Variants in CRACR2B observed in about 807,000 individuals in gnomAD.
CRACR2B encodes the protein EF-hand calcium-binding domain-containing protein 4A.
CRACR2B carries 50 observed loss-of-function variants against 46.0 expected under a neutral mutation model. The ratio of observed to expected loss-of-function variants is 1.09; its 90% confidence interval spans 0.87 to 1.38. CRACR2B has a LOEUF of 1.38. Ranked by LOEUF, CRACR2B falls within the 40% of genes most tolerant of loss-of-function variation. The pLI is 0.00. For synonymous variants in CRACR2B, 277 were observed against 239.6 expected (o/e 1.16, Z -1.44); for missense variants, 667 against 535.0 (o/e 1.25, Z -2.43).
upstream of CRACR2B, chr11:827,381 G>C (rs955201349): frequency 1.4e-5 from 3 of 222,040 alleles, no homozygotes; most frequent in Non-Finnish European, 2.3e-5. Context: ...CACCCCCTCC[G>C]GGCCGCCGTG....
chr11:829,145 C>A (rs1414423847), intron 2 of CRACR2B, 182 bp downstream of exon 2: 15 of 1,263,912 alleles, frequency 1.2e-5, no homozygotes, highest in African/African-American at 3.0e-5. Context: ...GTGGAGCTGA[C>A]CTTCCTGGCC....
chr11:828,665 G>C lies in CRACR2B; in HGVS notation c.58G>C (p.Glu20Gln), dbSNP rs750040448. 6.2e-6 allele frequency: 10 copies of C among 1,608,656 alleles called. No individual in the cohort carries two copies. Among genetic ancestry groups the C allele is most frequent in the South Asian group, 5.5e-5 (5 of 90,750 alleles). The change falls in exon 1 of 9, where the codon GAG (glutamate) becomes CAG (glutamine). Residue 20 changes from glutamate (E) to glutamine (Q), a missense_variant. Glu to Gln is a conservative substitution (Grantham distance 29). Transcript: ENST00000525077. ...GGCCCAGGAGGAGGAGGGGGAACTC[G>C]AGGGGGGCTCTGCAGGGCCGCGGGC... is the stretch of plus-strand genomic sequence containing the variant. ...DEAQEEEGEL[E>Q]GGSAGPRAAI...
Position 829,050 on chromosome 11 carries a change from C to G in CRACR2B, c.277+87C>G, listed in dbSNP as rs576275167. 4.3e-5 allele frequency: 66 copies of G among 1,517,884 alleles called. No individual in the cohort carries two copies. The Admixed American group carries it at 8.7e-4, about 20-fold the overall frequency. The allele number at this position is 1,517,884 out of a possible 1,614,324, so 94.0% of individuals were successfully genotyped here. A position where few individuals can be genotyped will look rare whatever the true frequency, so the allele number is the denominator to read the frequency against. ...GCACTTGTGGCGCCCTGAGGGCTGC[C>G]GGTGCCTCTCGTCCTCCTCCCTCCA... On this transcript the variant is annotated intron_variant, in intron 2 of 8. Coordinates refer to ENST00000525077, the MANE Select transcript of CRACR2B (RefSeq NM_001286606.2).
chr11:829,017 G>C (rs745698502), intron 2 of CRACR2B, 54 bp downstream of exon 2: 1 of 1,588,154 alleles, frequency 6.3e-7, no homozygotes, highest in Non-Finnish European at 8.5e-7. Flanking sequence ...GCCTGATCAG[G>C]AGGCCTGGCA....
At chr11:831,171 G>T (rs2133932716) in intron 7 of CRACR2B, 53 bp from the exon 8 acceptor site, 1 of 1,608,918 alleles carries the variant, frequency 6.2e-7, no homozygotes, top group Non-Finnish European at 8.5e-7. Context: ...TAGGGGGTCC[G>T]GGGGCTCCCC....
intron 8 of CRACR2B, 68 bp from the exon 9 acceptor site, chr11:831,467 T>G (rs987524735): frequency 1.3e-6 from 2 of 1,500,772 alleles, no homozygotes; most frequent in Non-Finnish European, 1.8e-6. Flanking sequence ...CTGAGGGGAG[T>G]CGGAGCTCAC....
rs762095228 is a variant in CRACR2B at position 830,148 on chromosome 11, G to T, written c.605+16G>T. 6.6e-7 allele frequency: 1 copy of T among 1,523,224 alleles called. No individual in the cohort carries two copies. Among genetic ancestry groups the T allele is most frequent in the Admixed American group, 2.1e-5 (1 of 48,730 alleles). 94.4% of individuals were successfully genotyped at this position (1,523,224 alleles called of 1,614,324 possible). On this transcript the variant is annotated intron_variant, in intron 4 of 8. Transcript: ENST00000525077. ...CGCTGCGGAGGTGAGGGCCGGGGTG[G>T]GGTATGGGGGCCAATGGAGGGCCTC...
At chr11:826,600 T>G (rs1051721968), upstream of CRACR2B, among the ~76,000 whole-genome samples, 15 of 152,270 alleles carry the variant, frequency 9.9e-5, no homozygotes, top group African/African-American at 3.6e-4. Flanking sequence ...CTCGGCTCAC[T>G]GCAAACTCTG....
Position 831,891 on chromosome 11 carries a change from G to A in CRACR2B, c.*182G>A. 1.6e-6 allele frequency: 1 copy of A among 639,384 alleles called. No individual in the cohort carries two copies. Among genetic ancestry groups the A allele is most frequent in the Non-Finnish European group, 2.5e-6 (1 of 404,786 alleles). The allele number at this position is 639,384 out of a possible 1,614,324, so 39.6% of individuals were successfully genotyped here. On this transcript the variant is annotated 3_prime_UTR_variant, in exon 9 of 9. Transcript: ENST00000525077. ...GTCCCGGGAGTGGCCAGGGTCCCGT[G>A]TGTGCCCTCTGCCAGTCTTCGCTCT...
chr11:827,502 G>A (rs1845987237), upstream of CRACR2B: 8 of 981,208 alleles, frequency 8.2e-6, no homozygotes, highest in South Asian at 1.9e-4. Flanking sequence ...GAGCACAGGA[G>A]GCTGGCCGCC....
Position 831,524 on chromosome 11 carries a change from T to G in CRACR2B, c.1026-11T>G. On this transcript the variant is annotated splice_polypyrimidine_tract_variant and intron_variant, in intron 8 of 8. Coordinates refer to ENST00000525077, the MANE Select transcript of CRACR2B (RefSeq NM_001286606.2). ...TCAGACCCTCTCAGTGTCGGACTCC[T>G]CCTTCCCTAGGGAGCTGAATACACG... 6.4e-7 allele frequency: 1 copy of G among 1,574,420 alleles called. No homozygotes were observed. The highest frequency in any genetic ancestry group is 8.6e-7 in the Non-Finnish European group (1 of 1,162,780).
chr11:830,124 G>A lies in CRACR2B; in HGVS notation c.597G>A (p.Ala199=), dbSNP rs1212231451. 2 of 1,534,580 alleles carry A rather than the reference G, an allele frequency of 1.3e-6. No homozygotes were observed. Among genetic ancestry groups the A allele is most frequent in the Non-Finnish European group, 8.7e-7 (1 of 1,145,510 alleles). Residue 199 remains alanine (A), a synonymous_variant, in exon 4 of 9, where the codon GCG becomes GCA. Transcript: ENST00000525077. Reference sequence around the variant, plus strand: ...GGGAGCGCGACGGCCTGGAGCAGGCGCTGCGGAGGTGAGGGCCGGGGTGGG... The same window carrying A: ...GGGAGCGCGACGGCCTGGAGCAGGCACTGCGGAGGTGAGGGCCGGGGTGGG... ...AARERDGLEQ[A]LRRRESEHER...
intron 2 of CRACR2B, 197 bp downstream of exon 2, chr11:829,160 G>T: frequency 7.6e-7 from 1 of 1,309,988 alleles, no homozygotes; most frequent in Non-Finnish European, 1.1e-6. Context: ...CTGGCCCCCA[G>T]CTCCTCTCCT....
In CRACR2B at chr11:829,556, C is replaced by A; in HGVS notation, c.458+16C>A. ...TCCTGGGCAAGTGAGTCGGCGCTGG[C>A]CCCGCTCCCACTGCCCGCTCTGCTG... On this transcript the variant is annotated intron_variant, in intron 3 of 8. Transcript: ENST00000525077. The A allele has an allele frequency of 6.5e-7, 1 of 1,549,420 alleles. No individual in the cohort carries two copies. Among genetic ancestry groups the A allele is most frequent in the Non-Finnish European group, 8.7e-7 (1 of 1,151,494 alleles).
At chr11:827,594 C>G (rs542961436), upstream of CRACR2B, 1 of 973,990 alleles carries the variant, frequency 1.0e-6, no homozygotes, top group Non-Finnish European at 1.2e-6. Context: ...CAGGTCTAGC[C>G]GGCAAGCCGG....
Position 829,353 on chromosome 11 carries a change from C to A in CRACR2B, c.278-7C>A, listed in dbSNP as rs760789005. ...AGCCCTGGTAATCGCTCGCTCCATG[C>A]CCGCAGGGATGTTTGTGGGGGTGGC... On this transcript the variant is annotated splice_region_variant and splice_polypyrimidine_tract_variant and intron_variant, in intron 2 of 8. Transcript: ENST00000525077. 7 of 1,600,818 alleles carry A rather than the reference C, an allele frequency of 4.4e-6. No individual in the cohort carries two copies. In the African/African-American group the frequency reaches 8.1e-5, roughly 18 times the overall value.
intron 5 of CRACR2B, 22 bp from the exon 6 acceptor site, chr11:830,599 A>G: frequency 6.5e-7 from 1 of 1,538,716 alleles, no homozygotes; most frequent in Non-Finnish European, 8.8e-7. Flanking sequence ...GCGGAGGCTC[A>G]GTGGTCCTCC....
At chr11:829,669 C>A in intron 3 of CRACR2B, 129 bp downstream of exon 3, 1 of 1,133,548 alleles carries the variant, frequency 8.8e-7, no homozygotes, top group Non-Finnish European at 1.2e-6. Context: ...AGCCTAGCGT[C>A]AGCTGCGATT....
intron 7 of CRACR2B, 35 bp downstream of exon 7, chr11:831,067 G>T: frequency 1.3e-6 from 2 of 1,537,300 alleles, no homozygotes; most frequent in Non-Finnish European, 1.7e-6. Flanking sequence ...GCCCCGGTGC[G>T]TGTCCCGGGG....
Sources: gnomAD v4.1 joint callset for allele counts (sites outside exome capture counted in the v4.1 genomes callset) on GRCh38, gnomAD v4.1.1 for gene constraint, MANE v1.5 for transcripts, NCBI Gene and HGNC (gene_info 2026-07-23, HGNC 2026-07-21) for gene names.